HEPH: variants seen among roughly 807,000 people sequenced by gnomAD.
HEPH encodes the protein hephaestin.
In HEPH, 69 loss-of-function variants were observed where a neutral mutation model predicts 80.8. The ratio of observed to expected loss-of-function variants is 0.85; its 90% CI spans 0.70 to 1.04. HEPH has a LOEUF of 1.04. Ranked by LOEUF, HEPH falls within the 50% of genes least tolerant of loss-of-function variation. The pLI is 0.00. For missense variants in HEPH, 1,115 were observed against 891.3 expected, an observed-to-expected ratio of 1.25 and a Z score of -3.20; for synonymous variants, 431 against 322.8, an observed-to-expected ratio of 1.34 and a Z score of -3.60.
chrX:66,254,012 A>G (rs958675724), intron 15 of HEPH, among the ~76,000 whole-genome samples: 1 of 111,176 alleles, frequency 9.0e-6, no homozygotes, highest in Non-Finnish European at 1.9e-5. Flanking sequence ...TGGAAAATGA[A>G]TCGTGGTGGT....
intron 20 of HEPH, among the ~76,000 whole-genome samples, chrX:66,264,696 G>A (rs1412904998): frequency 9.2e-6 from 1 of 108,259 alleles, no homozygotes; most frequent in African/African-American, 3.3e-5. Context: ...TTAACCAGGG[G>A]ACCAGGATAT....
At chrX:66,245,489 A>T (rs1307267904) in intron 15 of HEPH, among the ~76,000 whole-genome samples, 2 of 111,661 alleles carry the variant, frequency 1.8e-5, no homozygotes, top group African/African-American at 6.5e-5. Context: ...GCAAGTCCTT[A>T]GAGACCTACA....
chrX:66,191,979 A>T, intron 6 of HEPH, 151 bp from the exon 7 acceptor site: 1 of 477,282 alleles, frequency 2.1e-6, no homozygotes, highest in Non-Finnish European at 3.4e-6. Context: ...CATGCACTTT[A>T]AGAGTGAGAG....
intron 4 of HEPH, 105 bp downstream of exon 4, chrX:66,173,906 A>T: frequency 4.3e-6 from 2 of 469,045 alleles, no homozygotes; most frequent in African/African-American, 4.8e-5. Context: ...GAGGAGTGCT[A>T]ATTCAGCACT....
intron 4 of HEPH, among the ~76,000 whole-genome samples, chrX:66,176,092 C>T (rs1351279943): frequency 9.0e-6 from 1 of 111,202 alleles, no homozygotes; most frequent in Admixed American, 9.6e-5. Context: ...TGTCTTATTC[C>T]AGTTCTCAAA....
chrX:66,238,886 G>A (rs992791586), intron 15 of HEPH, among the ~76,000 whole-genome samples: 1 of 112,263 alleles, frequency 8.9e-6, no homozygotes, highest in African/African-American at 3.2e-5. Flanking sequence ...TGAAGGAATG[G>A]GCCAAAATAA....
downstream of HEPH, chrX:66,268,371 C>A (rs1271318899): frequency 8.9e-6 from 1 of 111,976 alleles, no homozygotes; most frequent in Non-Finnish European, 1.9e-5. Flanking sequence ...GCTATGATTC[C>A]TCTTGTTTTT....
chrX:66,205,968 A>C (rs1003143037), intron 13 of HEPH, among the ~76,000 whole-genome samples: 59 of 111,328 alleles, frequency 5.3e-4, no homozygotes, highest in African/African-American at 1.9e-3. Context: ...TCTGGCTAAC[A>C]ATGTCACTTG....
chrX:66,213,262 C>A (rs1336681784), intron 15 of HEPH, among the ~76,000 whole-genome samples: 1 of 108,278 alleles, frequency 9.2e-6, no homozygotes, highest in African/African-American at 3.4e-5. Context: ...TCAGTTCCCA[C>A]CTATGAGTGA....
intron 13 of HEPH, among the ~76,000 whole-genome samples, chrX:66,205,951 C>A (rs1457567567): frequency 9.0e-6 from 1 of 111,389 alleles, no homozygotes; most frequent in Admixed American, 9.6e-5. Flanking sequence ...TAAATCCTGG[C>A]TCACTTTCTG....
At chrX:66,213,978 G>C (rs920669191) in intron 15 of HEPH, among the ~76,000 whole-genome samples, 1 of 112,308 alleles carries the variant, frequency 8.9e-6, no homozygotes, top group African/African-American at 3.2e-5. Context: ...TGTCTTACCA[G>C]TGGGCAGGAT....
chrX:66,195,541 A>C (rs2088041065), intron 9 of HEPH, among the ~76,000 whole-genome samples: 1 of 111,542 alleles, frequency 9.0e-6, no homozygotes, highest in South Asian at 3.7e-4. Context: ...ATACCTTTAA[A>C]TATTTTTATG....
chrX:66,247,132 A>G (rs1300510684), intron 15 of HEPH, among the ~76,000 whole-genome samples: 4 of 109,719 alleles, frequency 3.6e-5, no homozygotes, highest in African/African-American at 1.0e-4. Flanking sequence ...TTTAATTACA[A>G]TGTGCCTTGG....
At chrX:66,211,828 G>GC (rs1271238452) in intron 15 of HEPH, among the ~76,000 whole-genome samples, 1 of 111,363 alleles carries the variant, frequency 9.0e-6, no homozygotes, top group Non-Finnish European at 1.9e-5. Flanking sequence ...TTGATATATT[G>GC]TTTTCTTTTC....
intron 15 of HEPH, among the ~76,000 whole-genome samples, chrX:66,247,839 C>T (rs894972195): frequency 6.3e-5 from 7 of 111,548 alleles, no homozygotes; most frequent in Non-Finnish European, 9.4e-5. Context: ...CTGTCCAATA[C>T]CATAGCCACC....
intron 13 of HEPH, among the ~76,000 whole-genome samples, chrX:66,205,945 T>C (rs1266476813): frequency 9.0e-6 from 1 of 111,529 alleles, no homozygotes; most frequent in Admixed American, 9.6e-5. Flanking sequence ...TGAATCTAAA[T>C]CCTGGCTCAC....
intron 15 of HEPH, among the ~76,000 whole-genome samples, chrX:66,214,786 C>T (rs745568616): frequency 9.0e-6 from 1 of 111,013 alleles, no homozygotes; most frequent in East Asian, 2.8e-4. Flanking sequence ...TGCTTTGCCA[C>T]CATTATTTCA....
intron 15 of HEPH, among the ~76,000 whole-genome samples, chrX:66,225,906 G>T (rs2089866480): frequency 8.9e-6 from 1 of 112,259 alleles, no homozygotes; most frequent in South Asian, 3.7e-4. Context: ...GTTTTATTCG[G>T]CCGGGAGCTT....
intron 4 of HEPH, among the ~76,000 whole-genome samples, chrX:66,186,360 G>T (rs1387442909): frequency 5.5e-5 from 6 of 109,796 alleles, no homozygotes; most frequent in African/African-American, 1.0e-4. Flanking sequence ...GCGAGATTCC[G>T]TGGGCGTAGG....
Sources: gnomAD v4.1 joint callset for allele counts (sites outside exome capture counted in the v4.1 genomes callset) on GRCh38, gnomAD v4.1.1 for gene constraint, MANE v1.5 for transcripts, NCBI Gene and HGNC (gene_info 2026-07-23, HGNC 2026-07-21) for gene names.